The following KLRG1 variants were observed in gnomAD, a reference collection of about 807,000 sequenced individuals.
KLRG1 encodes killer cell lectin like receptor G1, also known as killer cell lectin-like receptor subfamily G member 1.
KLRG1 carries 16 observed loss-of-function variants against 21.8 expected under a neutral mutation model. The observed-to-expected ratio is 0.73, with a 90% CI of 0.50 to 1.11. The LOEUF (loss-of-function observed/expected upper bound fraction) is 1.11. Among genes scored for constraint, KLRG1 ranks in the 50% most tolerant of loss-of-function variants. The pLI is 0.00. For synonymous variants in KLRG1, 69 were observed against 75.9 expected (o/e 0.91, Z 0.47); for missense variants, 173 against 218.3 (o/e 0.79, Z 1.31).
chr12:9,214,080 A>C, the KLRG1 span, among the ~76,000 whole-genome samples: 1 of 151,868 alleles, frequency 6.6e-6, no homozygotes, highest in African/African-American at 2.4e-5. Context: ...ATTTATGTTG[A>C]AAATATTATC....
At chr12:9,077,791 G>GT in the KLRG1 span, 1 of 1,614,178 alleles carries the variant, frequency 6.2e-7, no homozygotes, top group Non-Finnish European at 8.5e-7. Flanking sequence ...CTTGGGTAAT[G>GT]TGTGCTTCAT....
At chr12:9,100,442 A>T in the KLRG1 span, among the ~76,000 whole-genome samples, 1 of 151,846 alleles carries the variant, frequency 6.6e-6, no homozygotes, top group Non-Finnish European at 1.5e-5. Context: ...TTATTTATTT[A>T]TTTATTTATT....
the KLRG1 span, chr12:9,202,718 C>G: frequency 6.3e-7 from 1 of 1,590,026 alleles, no homozygotes; most frequent in Non-Finnish European, 8.6e-7. Flanking sequence ...TACTGAGGAA[C>G]TGTGCAGTCT....
At chr12:9,200,896 T>G in the KLRG1 span, 1 of 1,611,326 alleles carries the variant, frequency 6.2e-7, no homozygotes, top group South Asian at 1.1e-5. Flanking sequence ...CCATACCAAA[T>G]TCCTCCACGG....
the KLRG1 span, among the ~76,000 whole-genome samples, chr12:9,080,812 G>A: frequency 6.6e-6 from 1 of 151,884 alleles, no homozygotes; most frequent in Non-Finnish European, 1.5e-5. Flanking sequence ...AATGAGAGAA[G>A]TATGGTATTT....
chr12:9,064,089 GCTCTGAAAT>G, the KLRG1 span, among the ~76,000 whole-genome samples: 5 of 152,166 alleles, frequency 3.3e-5, no homozygotes, highest in Non-Finnish European at 7.3e-5. This position sits in a 1 kb window ranked among gnomAD's most constrained non-coding sequence, Gnocchi z 4.0. Flanking sequence ...TGTTTATTAA[GCTCTGAAAT>G]ATACTTTCTC....
At chr12:9,207,345 C>T in the KLRG1 span, among the ~76,000 whole-genome samples, 1 of 152,144 alleles carries the variant, frequency 6.6e-6, no homozygotes, top group African/African-American at 2.4e-5. Flanking sequence ...TATTATTGGA[C>T]CCAAGAGTTC....
At chr12:9,149,025 G>T in the KLRG1 span, 2 of 1,601,498 alleles carry the variant, frequency 1.2e-6, no homozygotes, top group Non-Finnish European at 1.7e-6. Flanking sequence ...TAAGGAGGTT[G>T]TATCATTTCC....
the KLRG1 span, among the ~76,000 whole-genome samples, chr12:9,167,913 G>T: frequency 3.9e-5 from 6 of 152,016 alleles, no homozygotes; most frequent in African/African-American, 1.2e-4. Context: ...TAACATCTCA[G>T]TTACAAGACA....
At chr12:9,078,051 T>G in the KLRG1 span, among the ~76,000 whole-genome samples, 3 of 152,200 alleles carry the variant, frequency 2.0e-5, no homozygotes, top group African/African-American at 7.2e-5. Context: ...ACTCTCTCTT[T>G]GCCACAGGGA....
At chr12:9,152,309 AACTGTAGTGTC>A in the KLRG1 span, 1 of 1,609,370 alleles carries the variant, frequency 6.2e-7, no homozygotes, top group Non-Finnish European at 8.5e-7. Flanking sequence ...TTTCCTGTGT[AACTGTAGTGTC>A]AAAGGAAAAA....
chr12:9,030,670 TG>T, the KLRG1 span, among the ~76,000 whole-genome samples: 9 of 152,298 alleles, frequency 5.9e-5, no homozygotes, highest in Admixed American at 5.9e-4. Context: ...CCTCCCAAAG[TG>T]CTGGGATTAC....
At chr12:9,117,595 G>A in the KLRG1 span, among the ~76,000 whole-genome samples, 1 of 152,178 alleles carries the variant, frequency 6.6e-6, no homozygotes, top group African/African-American at 2.4e-5. Context: ...ATTGGTGGGA[G>A]CAGAAGGAGG....
the KLRG1 span, chr12:9,110,366 T>C: frequency 7.5e-7 from 1 of 1,326,500 alleles, no homozygotes; most frequent in Non-Finnish European, 1.0e-6. Context: ...AAGTTTATAA[T>C]TATTTTCAAA....
At chr12:8,955,672 A>G (rs1412580299) in intron 1 of KLRG1, among the ~76,000 whole-genome samples, 3 of 152,002 alleles carry the variant, frequency 2.0e-5, no homozygotes, top group Non-Finnish European at 4.4e-5. Context: ...GATTACAGGC[A>G]TGAGCCATCA....
the KLRG1 span, among the ~76,000 whole-genome samples, chr12:9,031,294 AT>A: frequency 6.6e-6 from 1 of 152,216 alleles, no homozygotes; most frequent in Non-Finnish European, 1.5e-5. Flanking sequence ...GCAATAGAGA[AT>A]TCCCTTTAGA....
the KLRG1 span, among the ~76,000 whole-genome samples, chr12:9,140,944 T>C: frequency 6.6e-6 from 1 of 152,152 alleles, no homozygotes; most frequent in Non-Finnish European, 1.5e-5. Flanking sequence ...TGTTACAAAA[T>C]AAAACAGATT....
chr12:9,174,960 A>C, the KLRG1 span, among the ~76,000 whole-genome samples: 8 of 152,188 alleles, frequency 5.3e-5, no homozygotes, highest in South Asian at 1.2e-3. Context: ...AGAAAAATCT[A>C]TTTTAAAATT....
the KLRG1 span, among the ~76,000 whole-genome samples, chr12:9,126,645 C>A: frequency 1.0e-3 from 158 of 152,260 alleles, no homozygotes; most frequent in African/African-American, 3.6e-3. Flanking sequence ...GTATAAAATA[C>A]CATACTGCTC....
Sources: gnomAD v4.1 joint callset for allele counts (sites outside exome capture counted in the v4.1 genomes callset) on GRCh38, gnomAD v4.1.1 for gene constraint, Gnocchi (gnomAD v3.1) non-coding constraint, MANE v1.5 for transcripts, NCBI Gene and HGNC (gene_info 2026-07-23, HGNC 2026-07-21) for gene names.